TEKTL1: variants seen among roughly 807,000 people sequenced by gnomAD.
TEKTL1 encodes the protein tektin like 1.
At chr19:15,018,830 T>C in the TEKTL1 span, among the ~76,000 whole-genome samples, 1 of 150,392 alleles carries the variant, frequency 6.6e-6, no homozygotes, top group Non-Finnish European at 1.5e-5. Context: ...CACGTTCCCA[T>C]ACCTTAACAC....
chr19:15,013,748 A>T, the TEKTL1 span: 5 of 1,613,406 alleles, frequency 3.1e-6, no homozygotes, highest in Non-Finnish European at 4.2e-6. Context: ...ATGGAGAGAG[A>T]TATGGAAAAA....
the TEKTL1 span, chr19:15,011,051 G>C: frequency 1.9e-6 from 3 of 1,578,320 alleles, no homozygotes. Context: ...CTTCCGCGTG[G>C]AGATGATCAA....
the TEKTL1 span, chr19:15,023,126 C>T: frequency 1.3e-6 from 2 of 1,578,054 alleles, no homozygotes; most frequent in Non-Finnish European, 1.7e-6. Context: ...CTAGTGACCC[C>T]AGCGTCCCCC....
the TEKTL1 span, among the ~76,000 whole-genome samples, chr19:15,015,422 C>A: frequency 1.2e-4 from 19 of 152,182 alleles, no homozygotes; most frequent in Admixed American, 1.2e-3. Flanking sequence ...TTCATAACTT[C>A]TCTTCCTTTA....
chr19:15,022,956 G>T, the TEKTL1 span: 7 of 1,613,044 alleles, frequency 4.3e-6, no homozygotes, highest in Non-Finnish European at 5.9e-6. Flanking sequence ...CTCAGCTGGG[G>T]CCTCAACTGC....
At chr19:15,012,742 T>C in the TEKTL1 span, among the ~76,000 whole-genome samples, 1 of 150,472 alleles carries the variant, frequency 6.6e-6, no homozygotes, top group Admixed American at 6.6e-5. Context: ...TCCTTGAAAA[T>C]CTCCCCAAAA....
the TEKTL1 span, chr19:15,020,398 C>T: frequency 1.4e-6 from 2 of 1,425,528 alleles, no homozygotes; most frequent in South Asian, 1.2e-5. Context: ...AGAGAAATCA[C>T]TTGCATCCAC....
chr19:15,018,148 T>A, the TEKTL1 span, among the ~76,000 whole-genome samples: 6 of 151,996 alleles, frequency 3.9e-5, no homozygotes, highest in Admixed American at 3.9e-4. Context: ...AGGTCAGAAG[T>A]TTCAGACCAG....
the TEKTL1 span, chr19:15,010,829 C>T: frequency 3.5e-5 from 53 of 1,534,950 alleles, no homozygotes; most frequent in Non-Finnish European, 4.2e-5. Flanking sequence ...AGGGACCATG[C>T]GCGTGTTGGT....
the TEKTL1 span, among the ~76,000 whole-genome samples, chr19:15,014,945 A>G: frequency 6.6e-6 from 1 of 152,182 alleles, no homozygotes; most frequent in Admixed American, 6.5e-5. Context: ...GTACTTTGGG[A>G]GGCCAAGGCA....
At chr19:15,014,639 G>A in the TEKTL1 span, among the ~76,000 whole-genome samples, 1 of 150,692 alleles carries the variant, frequency 6.6e-6, no homozygotes, top group Non-Finnish European at 1.5e-5. Context: ...AGCTCAGTAA[G>A]GTTGTGTTGA....
At chr19:15,022,901 T>A in the TEKTL1 span, 1 of 1,601,662 alleles carries the variant, frequency 6.2e-7, no homozygotes, top group South Asian at 1.1e-5. Flanking sequence ...CCACATCACG[T>A]ACCTGGAAAA....
chr19:15,011,413 G>C, the TEKTL1 span: 1 of 1,408,756 alleles, frequency 7.1e-7, no homozygotes, highest in Non-Finnish European at 9.2e-7. Context: ...CCTCCCCCAC[G>C]CCCAACCCCA....
the TEKTL1 span, among the ~76,000 whole-genome samples, chr19:15,011,868 C>T: frequency 2.0e-5 from 3 of 152,046 alleles, no homozygotes; most frequent in African/African-American, 4.8e-5. Flanking sequence ...GTGTGAGGAC[C>T]GCTTGAGTCC....
chr19:15,023,269 A>G, the TEKTL1 span: 1 of 709,162 alleles, frequency 1.4e-6, no homozygotes, highest in Non-Finnish European at 2.3e-6. Context: ...AACAATAATT[A>G]TCATGTATTA....
the TEKTL1 span, chr19:15,010,923 A>T: frequency 5.7e-6 from 9 of 1,579,566 alleles, no homozygotes; most frequent in Middle Eastern, 1.7e-4. Context: ...AGGACCGCGC[A>T]CATTCTGACC....
the TEKTL1 span, chr19:15,011,118 G>A: frequency 2.6e-6 from 4 of 1,546,898 alleles, no homozygotes; most frequent in Non-Finnish European, 3.5e-6. Flanking sequence ...CTGTGGAAGG[G>A]CAAGATGAAG....
the TEKTL1 span, chr19:15,011,250 G>T: frequency 6.6e-7 from 1 of 1,504,904 alleles, no homozygotes; most frequent in Non-Finnish European, 8.8e-7. Flanking sequence ...CGCCTCGGCC[G>T]CGCGCAGCAC....
chr19:15,021,877 A>T, the TEKTL1 span: 1 of 1,613,990 alleles, frequency 6.2e-7, no homozygotes, highest in Non-Finnish European at 8.5e-7. Flanking sequence ...TGTACCAGAG[A>T]CACGTGGGCA....
Sources: gnomAD v4.1 joint callset for allele counts (sites outside exome capture counted in the v4.1 genomes callset) on GRCh38, gnomAD v4.1.1 for gene constraint, MANE v1.5 for transcripts, NCBI Gene and HGNC (gene_info 2026-07-23, HGNC 2026-07-21) for gene names.